NR2F1-AS1: variants seen among roughly 807,000 people sequenced by gnomAD.
NR2F1-AS1 encodes the protein NR2F1 antisense RNA 1.
At chr5:93,413,194 ATATG>A (rs1748896647) in intron 4 of NR2F1-AS1, among the ~76,000 whole-genome samples, 1 of 108,664 alleles carries the variant, frequency 9.2e-6, no homozygotes. Flanking sequence ...ATAGACATAT[ATATG>A]TATATATATG....
intron 1 of NR2F1-AS1, among the ~76,000 whole-genome samples, chr5:93,568,910 C>G (rs951826842): frequency 3.3e-5 from 5 of 152,164 alleles, no homozygotes; most frequent in Non-Finnish European, 4.4e-5. Context: ...CTACCCTTGA[C>G]AGTGACAAGA....
chr5:93,472,794 T>C (rs1256992609), intron 4 of NR2F1-AS1, among the ~76,000 whole-genome samples: 1 of 151,890 alleles, frequency 6.6e-6, no homozygotes, highest in African/African-American at 2.4e-5. Context: ...ATGTAATAAT[T>C]AAAATTTTTA....
chr5:93,497,292 T>G (rs1580277743), intron 4 of NR2F1-AS1, among the ~76,000 whole-genome samples: 1 of 152,160 alleles, frequency 6.6e-6, no homozygotes, highest in African/African-American at 2.4e-5. Flanking sequence ...TATTACGCTG[T>G]GTTTGTTTAA....
chr5:93,448,788 C>G (rs1051521484), intron 4 of NR2F1-AS1, among the ~76,000 whole-genome samples: 1 of 152,170 alleles, frequency 6.6e-6, no homozygotes, highest in Admixed American at 6.5e-5. Flanking sequence ...CTTCAGTTGA[C>G]AGGCTGAAGC....
intron 4 of NR2F1-AS1, among the ~76,000 whole-genome samples, chr5:93,532,484 G>A (rs961409101): frequency 6.6e-6 from 1 of 152,156 alleles, no homozygotes; most frequent in Non-Finnish European, 1.5e-5. Context: ...CAGAAGGCCT[G>A]TGTGTGAACT....
At chr5:93,585,540 T>G (rs1561523885), upstream of NR2F1-AS1, 2 of 1,381,028 alleles carry the variant, frequency 1.4e-6, no homozygotes, top group South Asian at 2.5e-5. Context: ...TCCCTGGCTC[T>G]TTCTTTCTTT....
intron 4 of NR2F1-AS1, among the ~76,000 whole-genome samples, chr5:93,495,720 C>CATGATTTGTATATCATATACACAAATATG (rs1015154993): frequency 3.0e-4 from 45 of 152,026 alleles, no homozygotes; most frequent in Non-Finnish European, 4.0e-4. Flanking sequence ...TATATACAAA[C>CATGATTTGTATATCATATACACAAATATG]ATGATTTGTA....
intron 4 of NR2F1-AS1, among the ~76,000 whole-genome samples, chr5:93,443,113 A>C (rs1749611706): frequency 6.6e-6 from 1 of 152,242 alleles, no homozygotes; most frequent in Admixed American, 6.5e-5. Context: ...AAAAGCTGAA[A>C]ATTCTAAAAA....
intron 4 of NR2F1-AS1, among the ~76,000 whole-genome samples, chr5:93,481,229 A>G (rs1750593396): frequency 6.6e-6 from 1 of 152,092 alleles, no homozygotes; most frequent in African/African-American, 2.4e-5. Context: ...TACTGATATC[A>G]GGAAAAAAAT....
chr5:93,479,705 T>C (rs1362998185), intron 4 of NR2F1-AS1, among the ~76,000 whole-genome samples: 1 of 152,170 alleles, frequency 6.6e-6, no homozygotes, highest in Non-Finnish European at 1.5e-5. Flanking sequence ...GCCCAGATGT[T>C]GAATTTACTA....
At chr5:93,487,315 T>A (rs539508127) in intron 4 of NR2F1-AS1, among the ~76,000 whole-genome samples, 87 of 152,340 alleles carry the variant, frequency 5.7e-4, no homozygotes, top group Middle Eastern at 6.8e-3. Flanking sequence ...TTGTCTCTGT[T>A]TGCAGATGAC....
intron 4 of NR2F1-AS1, among the ~76,000 whole-genome samples, chr5:93,479,305 A>C (rs2149874274): frequency 6.6e-6 from 1 of 152,332 alleles, no homozygotes; most frequent in Middle Eastern, 3.4e-3. Flanking sequence ...TGATGGGCTG[A>C]CGCAGCTTCC....
chr5:93,500,796 T>A (rs1055754159), intron 4 of NR2F1-AS1, among the ~76,000 whole-genome samples: 2 of 152,144 alleles, frequency 1.3e-5, no homozygotes, highest in African/African-American at 2.4e-5. Context: ...TGTGCCACCA[T>A]GCCCAGCAAA....
rs75436110 is a variant in NR2F1-AS1, at chr5:93,545,605, A to G, written n.638+8156T>C. ...GCATTAATCCACACTTTTGCCTCTT[A>G]GGCAAATTGCTCTTTTTCTCTTCCT... On this transcript the variant is annotated intron_variant and non_coding_transcript_variant, in intron 4 of 5. Transcript: ENST00000660523. 4.0e-4 allele frequency among the ~76,000 whole-genome samples: 61 copies of G among 152,336 alleles called. No homozygotes were observed. The East Asian group carries it at 0.01, about 25-fold the overall frequency.
At chr5:93,462,859 C>T (rs1750128452) in intron 4 of NR2F1-AS1, among the ~76,000 whole-genome samples, 2 of 152,134 alleles carry the variant, frequency 1.3e-5, no homozygotes, top group South Asian at 2.1e-4. Flanking sequence ...AATTTCTAAG[C>T]AGCAAAACAT....
At chr5:93,542,318 T>C (rs549847217) in intron 4 of NR2F1-AS1, 1 of 152,188 alleles carries the variant, frequency 6.6e-6, no homozygotes, top group East Asian at 1.9e-4. Flanking sequence ...TGAACTTCTA[T>C]TTTCAGTAAT....
Position 93,424,818 on chromosome 5 carries a change from T to C in NR2F1-AS1, n.639-29276A>G, listed in dbSNP as rs545110604. ...TTTGCTTTAAAAATAAATTTCAGTA[T>C]AAAACTCGGGCAATTTAAAGAAAAA... On this transcript the variant is annotated intron_variant and non_coding_transcript_variant, in intron 4 of 5. Coordinates refer to ENST00000660523, the Ensembl canonical transcript of NR2F1-AS1. 3.3e-5 allele frequency among the ~76,000 whole-genome samples: 5 copies of C among 152,296 alleles called. No individual in the cohort carries two copies. The South Asian group carries it at 8.3e-4, about 25-fold the overall frequency.
At chr5:93,452,478 G>C (rs1749858121) in intron 4 of NR2F1-AS1, among the ~76,000 whole-genome samples, 1 of 152,096 alleles carries the variant, frequency 6.6e-6, no homozygotes, top group Non-Finnish European at 1.5e-5. Context: ...CATGGATCTG[G>C]GTAAGCTGAT....
chr5:93,536,873 T>C (rs756552252), intron 4 of NR2F1-AS1, among the ~76,000 whole-genome samples: 1 of 152,026 alleles, frequency 6.6e-6, no homozygotes, highest in Non-Finnish European at 1.5e-5. Flanking sequence ...ATCATGGGAG[T>C]GGGTCTTTCC....
Sources: gnomAD v4.1 joint callset for allele counts (sites outside exome capture counted in the v4.1 genomes callset) on GRCh38, gnomAD v4.1.1 for gene constraint, MANE v1.5 for transcripts, NCBI Gene and HGNC (gene_info 2026-07-23, HGNC 2026-07-21) for gene names.